The following PLA2G4B variants were observed in gnomAD, a reference collection of about 807,000 sequenced individuals.
PLA2G4B encodes cytosolic phospholipase A2 beta.
A neutral mutation model predicts 95.8 loss-of-function variants in PLA2G4B; 122 were observed. That is an observed-to-expected ratio of 1.27 (90% CI 1.10 to 1.48). The LOEUF is 1.48. Ranked by LOEUF, PLA2G4B falls within the 40% of genes most tolerant of loss-of-function variation. The pLI is 0.00. For synonymous variants in PLA2G4B, 518 were observed against 421.5 expected, an observed-to-expected ratio of 1.23 and a Z score of -2.80; for missense variants, 1,158 against 996.2, an observed-to-expected ratio of 1.16 and a Z score of -2.19.
Position 41,843,683 on chromosome 15 carries a change from G to A in PLA2G4B, c.751G>A (p.Glu251Lys), listed in dbSNP as rs780425412. Reference sequence around the variant, plus strand: ...TCTTCCTTCCCCGGCCAGACTGAGGGAGCTGGCCGTGCGACTGGGCTTCGG... The same window carrying A: ...TCTTCCTTCCCCGGCCAGACTGAGGAAGCTGGCCGTGCGACTGGGCTTCGG... The part of the protein sequence containing the change: ...VELKKEAGLR[E>K]LAVRLGFGPC... The change falls in exon 11 of 20, where the codon GAG becomes AAG. Residue 251 changes from glutamate to lysine, a missense_variant. Transcript: ENST00000458483. The A allele has an allele frequency of 6.2e-7, 1 of 1,613,476 alleles. No individual in the cohort carries two copies. Among genetic ancestry groups the A allele is most frequent in the East Asian group, 2.2e-5 (1 of 44,872 alleles).
At chr15:41,839,928 T>C (rs1481675904) in intron 1 of PLA2G4B, 2 of 543,964 alleles carry the variant, frequency 3.7e-6, no homozygotes, top group African/African-American at 1.9e-5. Context: ...AATGAGTTAA[T>C]GTATGCAAAG....
rs570075839 is a variant in PLA2G4B, at chr15:41,847,927, G to A, written c.*67G>A. On this transcript the variant is annotated 3_prime_UTR_variant, in exon 20 of 20. Coordinates refer to ENST00000458483, the MANE Select transcript of PLA2G4B (RefSeq NM_001114633.2). ...GGCTGCTGAGTTGCAGGTGGGAACT[G>A]TCATCACGCAGTGCTTCAGAGCCTC... is the stretch of plus-strand genomic sequence containing the variant. The A allele has an allele frequency of 5.2e-6, 8 of 1,539,926 alleles. No homozygotes were observed. Among genetic ancestry groups the A allele is most frequent in the African/African-American group, 2.9e-5 (2 of 69,502 alleles).
At chr15:41,844,044 T>C (rs1443875200) in intron 11 of PLA2G4B, among the ~76,000 whole-genome samples, 1 of 152,218 alleles carries the variant, frequency 6.6e-6, no homozygotes, top group Non-Finnish European at 1.5e-5. Context: ...ACTCTGTTTC[T>C]TGGTTCTCAG....
At position 41,842,274 on chromosome 15, in the gene PLA2G4B, C is replaced by G; in HGVS notation, c.703C>G (p.Gln235Glu). Residue 235 changes from glutamine to glutamate, a missense_variant and splice_region_variant, in exon 9 of 20, where the codon CAG becomes GAG. By Grantham distance (29) the Gln-to-Glu change is conservative (BLOSUM62 2). Coordinates refer to ENST00000458483, the MANE Select transcript of PLA2G4B (RefSeq NM_001114633.2). The stretch of plus-strand genomic sequence containing the variant: ...GGTGAGGCTTGTCTTCCCCACGTCC[C>G]AGGTACTGGCCTCCCAGGGAAGGAA... Reference protein sequence around the residue: ...QVVRLVFPTSQEPLMRVELKK... With the variant: ...QVVRLVFPTSEEPLMRVELKK... 2 of 1,613,996 alleles carry G rather than the reference C, an allele frequency of 1.2e-6. No individual in the cohort carries two copies. The highest frequency in any genetic ancestry group is 8.5e-7 in the Non-Finnish European group (1 of 1,180,012).
chr15:41,844,619 G>A lies in PLA2G4B; in HGVS notation c.1016+12G>A, dbSNP rs527431231. On this transcript the variant is annotated intron_variant, in intron 12 of 19. Coordinates refer to ENST00000458483, the MANE Select transcript of PLA2G4B (RefSeq NM_001114633.2). The stretch of plus-strand genomic sequence containing the variant: ...TCGGGCTCCACCTGGTGAGCTGGGG[G>A]CAGGCTGATGCTGGACCCTGTGTGG... The A allele has an allele frequency of 1.2e-6, 2 of 1,613,994 alleles. No homozygotes were observed. Among genetic ancestry groups the A allele is most frequent in the South Asian group, 2.2e-5 (2 of 91,076 alleles).
Position 41,846,305 on chromosome 15 carries a change from A to AG in PLA2G4B, c.1705dup (p.Ala569GlyfsTer4). On this transcript the variant is annotated frameshift_variant, in exon 17 of 20. Coordinates refer to ENST00000458483, the MANE Select transcript of PLA2G4B (RefSeq NM_001114633.2). LOFTEE classifies it high-confidence loss of function. ...CTTCTGACGTGGCGTCCACTGGCCC[A>AG]GGCCACACATAATTTCCTGCGTGGC... 6.2e-7 allele frequency: 1 copy of AG among 1,613,786 alleles called. No individual in the cohort carries two copies. Among genetic ancestry groups the AG allele is most frequent in the East Asian group, 2.2e-5 (1 of 44,870 alleles).
Position 41,843,694 on chromosome 15 carries a change from G to T in PLA2G4B, c.762G>T (p.Val254=), listed in dbSNP as rs748230945. 2 of 1,613,640 alleles carry T rather than the reference G, an allele frequency of 1.2e-6. No individual in the cohort carries two copies. Among genetic ancestry groups the T allele is most frequent in the Non-Finnish European group, 1.7e-6 (2 of 1,179,772 alleles). Residue 254 remains valine, a synonymous_variant, in exon 11 of 20, where the codon GTG becomes GTT. Transcript: ENST00000458483. ...CGGCCAGACTGAGGGAGCTGGCCGT[G>T]CGACTGGGCTTCGGGCCCTGTGCAG... is the stretch of plus-strand genomic sequence containing the variant. ...KKEAGLRELA[V]RLGFGPCAEE... is the part of the protein sequence containing the mutation.
Position 41,840,519 on chromosome 15 carries a change from C to G in PLA2G4B, c.83-5C>G. On this transcript the variant is annotated splice_region_variant and splice_polypyrimidine_tract_variant and intron_variant, in intron 2 of 19. Coordinates refer to ENST00000458483, the MANE Select transcript of PLA2G4B (RefSeq NM_001114633.2). The stretch of plus-strand genomic sequence containing the variant: ...CCACCGCTGGGCACTTGTTCCTTCC[C>G]GCAGTGACCCCCTCTGACTGCTACG... The G allele has an allele frequency of 6.2e-7, 1 of 1,613,684 alleles. No individual in the cohort carries two copies. Among genetic ancestry groups the G allele is most frequent in the East Asian group, 2.2e-5 (1 of 44,882 alleles).
chr15:41,840,948 T>A, intron 4 of PLA2G4B, 43 bp downstream of exon 4: 1 of 1,602,058 alleles, frequency 6.2e-7, no homozygotes, highest in East Asian at 2.2e-5. Context: ...GTGTCTGGGT[T>A]GAAATCTCCA....
chr15:41,847,795 C>T lies in PLA2G4B; in HGVS notation c.2281C>T (p.Gln761Ter), dbSNP rs756123608. Residue 761 changes from glutamine to a stop codon, truncating the protein, a stop_gained, in exon 20 of 20, where the codon CAG becomes TAG. Coordinates refer to ENST00000458483, the MANE Select transcript of PLA2G4B (RefSeq NM_001114633.2). LOFTEE classifies it low-confidence loss of function (END_TRUNC). ...GACACATTACAATGTCTGCAACAAC[C>T]AGGAGCAGCTGCTGGAGGCTCTGCG... The part of the protein sequence containing the change: ...HLTHYNVCNN[Q>*]EQLLEALRQA... The T allele has an allele frequency of 3.7e-6, 6 of 1,613,540 alleles. No homozygotes were observed. Among genetic ancestry groups the T allele is most frequent in the African/African-American group, 2.7e-5 (2 of 75,072 alleles).
chr15:41,839,724 G>C (rs1053798406), intron 1 of PLA2G4B: 2 of 167,406 alleles, frequency 1.2e-5, no homozygotes, highest in Non-Finnish European at 2.6e-5. Flanking sequence ...CTGGGGATGT[G>C]GGGTGGAGAG....
intron 8 of PLA2G4B, 22 bp downstream of exon 8, chr15:41,841,971 A>AG: frequency 6.2e-7 from 1 of 1,603,020 alleles, no homozygotes; most frequent in East Asian, 2.2e-5. Flanking sequence ...CGCTCCCTCG[A>AG]GGTGGGGCCC....
Position 41,845,758 on chromosome 15 carries a change from G to A in PLA2G4B, c.1478G>A (p.Arg493His), listed in dbSNP as rs150220260. The change falls in exon 15 of 20, where the codon CGC (arginine) becomes CAC (histidine). Residue 493 changes from arginine to histidine, a missense_variant. Coordinates refer to ENST00000458483, the MANE Select transcript of PLA2G4B (RefSeq NM_001114633.2). ...GQLMKRLPES[R>H]ICFLEGIWSN... ...CTGATGAAGAGGCTTCCTGAGTCCC[G>A]CATCTGCTTCTTAGAAGGTGAGGGG... is the stretch of plus-strand genomic sequence containing the variant. 245 of 1,602,370 alleles carry A rather than the reference G, an allele frequency of 1.5e-4. No homozygotes were observed. Among genetic ancestry groups the A allele is most frequent in the Non-Finnish European group, 2.0e-4 (229 of 1,173,964 alleles).
Position 41,848,070 on chromosome 15 carries a change from C to A in PLA2G4B, c.*210C>A, listed in dbSNP as rs1363484666. On this transcript the variant is annotated 3_prime_UTR_variant, in exon 20 of 20. Coordinates refer to ENST00000458483, the MANE Select transcript of PLA2G4B (RefSeq NM_001114633.2). ...ATTTGTGTAATCACCCAAAACCCCC[C>A]GGCCTGTGCCTGTTTTCCCTTCTGC... 1.2e-5 allele frequency: 8 copies of A among 644,506 alleles called. No homozygotes were observed. The highest frequency in any genetic ancestry group is 2.1e-5 in the Non-Finnish European group (8 of 379,004). The allele number at this position is 644,506 out of a possible 1,614,324, so 39.9% of individuals were successfully genotyped here.
At position 41,847,932 on chromosome 15, in the gene PLA2G4B, C is replaced by G. The variant is rs776952679; in HGVS notation, c.*72C>G. The stretch of plus-strand genomic sequence containing the variant: ...CTGAGTTGCAGGTGGGAACTGTCAT[C>G]ACGCAGTGCTTCAGAGCCTCGGGCT... On this transcript the variant is annotated 3_prime_UTR_variant, in exon 20 of 20. Transcript: ENST00000458483. 8.1e-5 allele frequency: 124 copies of G among 1,528,272 alleles called. No individual in the cohort carries two copies. Among genetic ancestry groups the G allele is most frequent in the Non-Finnish European group, 1.1e-4 (121 of 1,139,406 alleles). The allele number at this position is 1,528,272 out of a possible 1,614,324, so 94.7% of individuals were successfully genotyped here. A position where few individuals can be genotyped will look rare whatever the true frequency, so the allele number is the denominator to read the frequency against.
chr15:41,841,616 G>T, intron 7 of PLA2G4B, 45 bp downstream of exon 7: 1 of 1,613,220 alleles, frequency 6.2e-7, no homozygotes, highest in Non-Finnish European at 8.5e-7. Flanking sequence ...CTCAGCTCTT[G>T]TCTTCCCCCT....
At chr15:41,846,179 A>G (rs1001355946) in intron 16 of PLA2G4B, 24 bp from the exon 17 acceptor site, 2 of 1,603,716 alleles carry the variant, frequency 1.2e-6, no homozygotes, top group Non-Finnish European at 1.7e-6. Context: ...AGGAGTCCCC[A>G]TTTCCCCCAC....
At position 41,847,331 on chromosome 15, in the gene PLA2G4B, C is replaced by G. The variant is rs533555047; in HGVS notation, c.1948-6C>G. 1.9e-6 allele frequency: 3 copies of G among 1,593,642 alleles called. No homozygotes were observed. The South Asian group carries it at 3.3e-5, about 18-fold the overall frequency. ...CCCTCTGAAGCCCCTTCTGCCTGCC[C>G]TGCAGCAGTTGCAGCTCCTGGGCCG... is the stretch of plus-strand genomic sequence containing the variant. On this transcript the variant is annotated splice_polypyrimidine_tract_variant and splice_region_variant and intron_variant, in intron 18 of 19. Coordinates refer to ENST00000458483, the MANE Select transcript of PLA2G4B (RefSeq NM_001114633.2).
chr15:41,842,683 G>C (rs2140891751), intron 10 of PLA2G4B, 92 bp downstream of exon 10: 1 of 1,537,668 alleles, frequency 6.5e-7, no homozygotes, highest in Non-Finnish European at 8.7e-7. Flanking sequence ...GGGAGAAACA[G>C]CCGCCCCTCA....
Sources: gnomAD v4.1 joint callset for allele counts (sites outside exome capture counted in the v4.1 genomes callset) on GRCh38, gnomAD v4.1.1 for gene constraint, MANE v1.5 for transcripts, NCBI Gene and HGNC (gene_info 2026-07-23, HGNC 2026-07-21) for gene names.